EHMT2: variants seen among roughly 807,000 people sequenced by gnomAD.
EHMT2 encodes the protein histone-lysine N-methyltransferase EHMT2.
A neutral mutation model predicts 143.3 loss-of-function variants in EHMT2; 59 were observed. The ratio of observed to expected loss-of-function variants is 0.41; its 90% CI spans 0.33 to 0.51. EHMT2 has a LOEUF of 0.51. Among genes scored for constraint, EHMT2 ranks in the 20% least tolerant of loss-of-function variants. EHMT2 has a pLI of 0.18. For missense variants in EHMT2, 1,174 were observed against 1,645.9 expected (o/e 0.71, Z 4.96); for synonymous variants, 604 against 651.5 (o/e 0.93, Z 1.11).
chr6:31,887,295 T>G (rs1764996324), intron 15 of EHMT2, among the ~76,000 whole-genome samples, 194 bp from the exon 16 acceptor site: 1 of 152,198 alleles, frequency 6.6e-6, no homozygotes. Flanking sequence ...CTGCCTGAAT[T>G]CAAACCCTGC....
rs1289051807 is a variant in EHMT2 at position 31,880,200 on chromosome 6, C to T, written c.3517G>A (p.Glu1173Lys). 6.2e-7 allele frequency: 1 copy of T among 1,612,908 alleles called. No homozygotes were observed. The highest frequency in any genetic ancestry group is 8.5e-7 in the Non-Finnish European group (1 of 1,180,028). Residue 1173 changes from glutamate to lysine, a missense_variant, in exon 28 of 28, where the codon GAG (glutamate) becomes AAG (lysine). Physicochemically the swap from Glu to Lys is moderately conservative, Grantham distance 56. Around this residue, in one of 6 missense-constraint regions of EHMT2, gnomAD observed 44 missense variants for 113.5 expected, o/e 0.39. Coordinates refer to ENST00000375537, the Ensembl canonical transcript of EHMT2. The surrounding 1 kb of genome is among the most constrained non-coding windows in gnomAD (Gnocchi z 6.6). The stretch of plus-strand genomic sequence containing the variant: ...GCTTCGGCTGAGTGCTTGCACTTCT[C>T]AGAGCCACATTGGCAGGTGAAATAT...
In EHMT2 at chr6:31,883,679, C is replaced by A. The variant is rs964088529; in HGVS notation, c.2916+127G>T. The stretch of plus-strand genomic sequence containing the variant: ...GATCCCTCCCCTGGTGGGGATGCGA[C>A]CCCACACCAGGGCTCCCTTTCAGCC... On this transcript the variant is annotated intron_variant, in intron 22 of 27. Coordinates refer to ENST00000375537, the Ensembl canonical transcript of EHMT2. This position sits in a 1 kb window ranked among gnomAD's most constrained non-coding sequence, Gnocchi z 5.6. 2.2e-6 allele frequency: 3 copies of A among 1,371,228 alleles called. No homozygotes were observed. Among genetic ancestry groups the A allele is most frequent in the African/African-American group, 1.4e-5 (1 of 69,436 alleles). 84.9% of individuals were successfully genotyped at this position (1,371,228 alleles called of 1,614,324 possible). A position where few individuals can be genotyped will look rare whatever the true frequency, so the allele number is the denominator to read the frequency against.
chr6:31,884,305 G>A lies in EHMT2; in HGVS notation c.2771+87C>T, dbSNP rs1764513670. 4.1e-6 allele frequency: 6 copies of A among 1,470,684 alleles called. No individual in the cohort carries two copies. The highest frequency in any genetic ancestry group is 3.8e-5 in the South Asian group (3 of 78,608). The allele number at this position is 1,470,684 out of a possible 1,614,324, so 91.1% of individuals were successfully genotyped here. On this transcript the variant is annotated intron_variant, in intron 21 of 27. Transcript: ENST00000375537. This position sits in a 1 kb window ranked among gnomAD's most constrained non-coding sequence, Gnocchi z 7.3. The stretch of plus-strand genomic sequence containing the variant: ...TCAGTGGTGCATGGGGAGGGGTTGG[G>A]GAATGTTGTGAGGATGCAATGGAGC...
exon 7 of EHMT2, chr6:31,892,510 C>T (rs754988065): frequency 6.2e-7 from 1 of 1,612,970 alleles, no homozygotes; most frequent in Non-Finnish European, 8.5e-7. Flanking sequence ...CCCGGGGTCC[C>T]CTTTCGTCAG....
rs1407495414 is a variant in EHMT2, at chr6:31,889,979, T to C, written c.865-377A>G. Among the ~76,000 whole-genome samples, 1 of 152,218 alleles carries C rather than the reference T, an allele frequency of 6.6e-6. No homozygotes were observed. Among genetic ancestry groups the C allele is most frequent in the East Asian group, 1.9e-4 (1 of 5,202 alleles). Reference sequence around the variant, plus strand: ...GAAACTTTATATGAAAGGTTCAGGCTGACATCACCTGAACCCACTGGTCAA... The same window carrying C: ...GAAACTTTATATGAAAGGTTCAGGCCGACATCACCTGAACCCACTGGTCAA... On this transcript the variant is annotated intron_variant, in intron 7 of 27. Transcript: ENST00000375537. This position sits in a 1 kb window ranked among gnomAD's most constrained non-coding sequence, Gnocchi z 5.1.
chr6:31,883,483 T>C lies in EHMT2; in HGVS notation c.2917-44A>G. On this transcript the variant is annotated intron_variant, in intron 22 of 27. Transcript: ENST00000375537. This position sits in a 1 kb window ranked among gnomAD's most constrained non-coding sequence, Gnocchi z 5.6. The stretch of plus-strand genomic sequence containing the variant: ...GGTCAGCTCAACCCCATGATCGGTC[T>C]GGGCCCCTCTACTCTTGATGCCCCC... 2 of 1,581,538 alleles carry C rather than the reference T, an allele frequency of 1.3e-6. No individual in the cohort carries two copies. The highest frequency in any genetic ancestry group is 1.7e-6 in the Non-Finnish European group (2 of 1,160,662).
chr6:31,888,354 G>A lies in EHMT2; in HGVS notation c.1509+9C>T, dbSNP rs1329230097. On this transcript the variant is annotated intron_variant, in intron 12 of 27. Coordinates refer to ENST00000375537, the Ensembl canonical transcript of EHMT2. This position sits in a 1 kb window ranked among gnomAD's most constrained non-coding sequence, Gnocchi z 7.4. ...GGCATGCTACCTGTCTGCCCCACTG[G>A]TCACTCACCGCCGTGCAGAAGTAGC... is the stretch of plus-strand genomic sequence containing the variant. 6.2e-7 allele frequency: 1 copy of A among 1,612,328 alleles called. No homozygotes were observed. Among genetic ancestry groups the A allele is most frequent in the African/African-American group, 1.3e-5 (1 of 75,052 alleles).
intron 25 of EHMT2, 72 bp downstream of exon 25, chr6:31,882,618 TGGCTGAGAG>T: frequency 1.5e-6 from 2 of 1,364,554 alleles, no homozygotes; most frequent in Non-Finnish European, 1.0e-6. Flanking sequence ...TCAGGGCAGA[TGGCTGAGAG>T]GGAGGCCTGG....
In EHMT2 at chr6:31,896,329, C is replaced by T. The variant is rs759149339; in HGVS notation, c.516G>A (p.Thr172=). The T allele has an allele frequency of 4.3e-6, 7 of 1,612,968 alleles. No homozygotes were observed. In the Admixed American group the frequency reaches 5.0e-5, roughly 12 times the overall value. The stretch of plus-strand genomic sequence containing the variant: ...GGACCTTGGGCTGTCCCTCTGGGCT[C>T]GTGGTGGCTGGAGGGGGTTCAGACC... Residue 172 remains threonine (T), a synonymous_variant, in exon 4 of 28, where the codon ACG becomes ACA. Transcript: ENST00000375537.
intron 4 of EHMT2, among the ~76,000 whole-genome samples, chr6:31,894,999 C>T (rs185014655): frequency 3.0e-4 from 45 of 152,254 alleles, no homozygotes; most frequent in African/African-American, 9.9e-4. Context: ...TCTCACTGTA[C>T]CTAATTTATA....
chr6:31,883,915 G>A lies in EHMT2; in HGVS notation c.2807C>T (p.Pro936Leu). 1 of 1,613,944 alleles carries A rather than the reference G, an allele frequency of 6.2e-7. No homozygotes were observed. Among genetic ancestry groups the A allele is most frequent in the Non-Finnish European group, 8.5e-7 (1 of 1,179,952 alleles). The change falls in exon 22 of 28, where the codon CCC becomes CTC. Residue 936 changes from proline to leucine, a missense_variant. Physicochemically the swap from Pro to Leu is moderately conservative, Grantham distance 98. Transcript: ENST00000375537. This position sits in a 1 kb window ranked among gnomAD's most constrained non-coding sequence, Gnocchi z 5.6. Reference sequence around the variant, plus strand: ...CTCCCCATCCACACCGTTGACACAGGGAATGGGCACGTTCTCATAGCCCCG... The same window carrying A: ...CTCCCCATCCACACCGTTGACACAGAGAATGGGCACGTTCTCATAGCCCCG...
intron 4 of EHMT2, among the ~76,000 whole-genome samples, chr6:31,894,841 C>T (rs1766166972): frequency 6.6e-6 from 1 of 151,444 alleles, no homozygotes; most frequent in African/African-American, 2.4e-5. Context: ...TAGTTAGAGA[C>T]GGGGTTTGGA....
At position 31,888,993 on chromosome 6, in the gene EHMT2, C is replaced by T. The variant is rs767533878; in HGVS notation, c.1192G>A (p.Gly398Arg). Residue 398 changes from glycine to arginine, a missense_variant, in exon 10 of 28, where the codon GGG (glycine) becomes AGG (arginine). Physicochemically the swap from Gly to Arg is moderately radical, Grantham distance 125. Coordinates refer to ENST00000375537, the Ensembl canonical transcript of EHMT2. The surrounding 1 kb of genome is among the most constrained non-coding windows in gnomAD (Gnocchi z 7.4). ...CCAGCGTGGTTGGGGGAGAGGGTCC[C>T]CTCGCTGGGCAGCTCCAGGGACCCC... 1 of 1,600,216 alleles carries T rather than the reference C, an allele frequency of 6.2e-7. No homozygotes were observed. The highest frequency in any genetic ancestry group is 8.5e-7 in the Non-Finnish European group (1 of 1,175,552).
intron 15 of EHMT2, 42 bp downstream of exon 15, chr6:31,887,535 G>A: frequency 6.3e-7 from 1 of 1,581,700 alleles, no homozygotes; most frequent in Non-Finnish European, 8.7e-7. Flanking sequence ...GTATATACAT[G>A]AAGCTTGGTC....
intron 7 of EHMT2, among the ~76,000 whole-genome samples, 161 bp downstream of exon 7, chr6:31,892,246 C>T (rs752915084): frequency 9.9e-5 from 15 of 151,382 alleles, no homozygotes; most frequent in African/African-American, 1.5e-4. Flanking sequence ...CGTCTCCCCC[C>T]ACAAAAAAAA....
rs1764103644 is a variant in EHMT2 at position 31,881,483 on chromosome 6, CA to C, written c.3198-392del. The C allele has an allele frequency of 3.2e-6, 1 of 308,596 alleles. No homozygotes were observed. Among genetic ancestry groups the C allele is most frequent in the African/African-American group, 2.1e-5 (1 of 47,470 alleles). 19.1% of individuals were successfully genotyped at this position (308,596 alleles called of 1,614,324 possible). A position where few individuals can be genotyped will look rare whatever the true frequency, so the allele number is the denominator to read the frequency against. ...AGAGGTACAGGAGTGGCAAGGAACT[CA>C]AGGCATGATTCGGGGCAAGAGCACC... On this transcript the variant is annotated intron_variant, in intron 25 of 27. Transcript: ENST00000375537. The surrounding 1 kb of genome is among the most constrained non-coding windows in gnomAD (Gnocchi z 4.8).
intron 25 of EHMT2, among the ~76,000 whole-genome samples, chr6:31,882,408 A>G (rs1764220058): frequency 6.7e-6 from 1 of 148,270 alleles, no homozygotes; most frequent in African/African-American, 2.5e-5. Context: ...CCAGCTAGGA[A>G]GGGCGAGGAG....
rs755741422 is a variant in EHMT2 at position 31,889,552 on chromosome 6, TTCC to T, written c.912_914del (p.Glu323del). 1.3e-4 allele frequency: 203 copies of T among 1,611,068 alleles called. No homozygotes were observed. The highest frequency in any genetic ancestry group is 1.6e-4 in the Non-Finnish European group (183 of 1,179,374). ...CTTCCTCTTCTTCTTCTTCCTCCTCTTCCTCCTCCTCCTCTTCACTTAGTTGTT... is the reference window on the plus strand; with the variant it reads ...CTTCCTCTTCTTCTTCTTCCTCCTCTTCCTCCTCCTCTTCACTTAGTTGTT... On this transcript the variant is annotated inframe_deletion, in exon 8 of 28. Coordinates refer to ENST00000375537, the Ensembl canonical transcript of EHMT2. This position sits in a 1 kb window ranked among gnomAD's most constrained non-coding sequence, Gnocchi z 5.1.
intron 1 of EHMT2, 86 bp downstream of exon 1, chr6:31,897,550 T>C: frequency 9.6e-7 from 1 of 1,041,764 alleles, no homozygotes; most frequent in Non-Finnish European, 1.2e-6. Flanking sequence ...CCGGCCCCGT[T>C]GCACCCCCGG....
Sources: allele counts gnomAD v4.1 joint callset (sites outside exome capture counted in the v4.1 genomes callset), GRCh38; gene constraint gnomAD v4.1.1; regional missense constraint gnomAD v4.1.1; non-coding constraint Gnocchi (gnomAD v3.1); transcripts MANE v1.5; gene names NCBI Gene and HGNC (gene_info 2026-07-23, HGNC 2026-07-21).